C1orf146: variants seen among roughly 807,000 people sequenced by gnomAD.
The protein encoded by C1orf146 is protein SPO16 homolog.
C1orf146 carries 22 observed loss-of-function variants against 23.0 expected under a neutral mutation model. The observed-to-expected ratio is 0.96, with a 90% confidence interval of 0.68 to 1.36. C1orf146 has a LOEUF of 1.36. C1orf146 is among the 40% of genes most tolerant of loss of function. The probability of loss-of-function intolerance (pLI) is 0.00; values close to 1 mark genes in which losing one functional copy is unlikely to be tolerated. For missense variants in C1orf146, 199 were observed against 206.8 expected, an observed-to-expected ratio of 0.96 and a Z score of 0.23; for synonymous variants, 59 against 65.3, an observed-to-expected ratio of 0.90 and a Z score of 0.47.
At chr1:92,238,529 T>C (rs1652351419) in intron 2 of C1orf146, among the ~76,000 whole-genome samples, 1 of 152,258 alleles carries the variant, frequency 6.6e-6, no homozygotes, top group Admixed American at 6.5e-5. Context: ...AAATCTATAC[T>C]TAGCTTCCTG....
intron 2 of C1orf146, among the ~76,000 whole-genome samples, chr1:92,238,849 T>A (rs1652359762): frequency 6.6e-6 from 1 of 152,200 alleles, no homozygotes; most frequent in South Asian, 2.1e-4. Context: ...ACTCTTCTCA[T>A]ATTTGTCTTC....
At chr1:92,225,413 A>G (rs754873412) in intron 1 of C1orf146, among the ~76,000 whole-genome samples, 4 of 152,112 alleles carry the variant, frequency 2.6e-5, no homozygotes, top group Non-Finnish European at 5.9e-5. Context: ...AGCCTAATTT[A>G]GTCTTTTAAA....
intron 5 of C1orf146, 78 bp downstream of exon 5, chr1:92,244,935 G>A (rs72958744): frequency 0.014 from 11,174 of 819,170 alleles, 469 homozygotes; most frequent in East Asian, 0.11. Context: ...CCTTTTGAGC[G>A]AGACTGGCAA....
Position 92,244,336 on chromosome 1 carries a change from G to C in C1orf146, c.280G>C (p.Ala94Pro), listed in dbSNP as rs1395883219. The C allele has an allele frequency of 1.2e-5, 20 of 1,613,074 alleles. No individual in the cohort carries two copies. The highest frequency in any genetic ancestry group is 1.7e-5 in the Non-Finnish European group (20 of 1,179,582). ...AAATAGTTTTTTGGTTTTGTCTGCT[G>C]CCCTCCATGGGCCTGAAGAATGGAA... ...HQNSFLVLSA[A>P]LHGPEEWKLM... The change falls in exon 4 of 6, where the codon GCC becomes CCC. Residue 94 changes from alanine to proline, a missense_variant. Transcript: ENST00000370375.
At chr1:92,222,340 GTGTATATATAATGTAACATGCA>G (rs1651840554) in intron 1 of C1orf146, among the ~76,000 whole-genome samples, 1 of 151,960 alleles carries the variant, frequency 6.6e-6, no homozygotes, top group Non-Finnish European at 1.5e-5. Context: ...CAACATGCAT[GTGTATATATAATGTAACATGCA>G]TGTATATATA....
chr1:92,233,704 A>G (rs910263353), intron 2 of C1orf146, among the ~76,000 whole-genome samples: 7 of 152,250 alleles, frequency 4.6e-5, no homozygotes, highest in African/African-American at 9.6e-5. Flanking sequence ...CTTGGGCAGT[A>G]TGGCCATTTT....
chr1:92,244,543 G>T (rs568323805), intron 4 of C1orf146, among the ~76,000 whole-genome samples, 158 bp downstream of exon 4: 4 of 152,028 alleles, frequency 2.6e-5, no homozygotes, highest in African/African-American at 9.7e-5. Flanking sequence ...TCTATGAATC[G>T]AGGTGACAGG....
At chr1:92,226,414 CAT>C (rs138642893) in intron 1 of C1orf146, among the ~76,000 whole-genome samples, 19,454 of 148,814 alleles carry the variant, frequency 0.13, 1,608 homozygotes, top group Non-Finnish European at 0.19. Context: ...CACACACACA[CAT>C]ACACACACAC....
chr1:92,238,390 A>G (rs1251680453), intron 2 of C1orf146, among the ~76,000 whole-genome samples: 1 of 152,198 alleles, frequency 6.6e-6, no homozygotes, highest in Non-Finnish European at 1.5e-5. Flanking sequence ...CAGAGACTTT[A>G]ATATGCTCAA....
chr1:92,231,319 C>T, intron 1 of C1orf146, 63 bp from the exon 2 acceptor site: 1 of 749,482 alleles, frequency 1.3e-6, no homozygotes, highest in Non-Finnish European at 2.2e-6. Flanking sequence ...GTTTTATTTC[C>T]ATCTTTAATT....
intron 1 of C1orf146, 48 bp downstream of exon 1, chr1:92,218,096 G>C (rs1046231265): frequency 2.0e-5 from 3 of 152,270 alleles, no homozygotes; most frequent in Non-Finnish European, 2.9e-5. Context: ...CTGTCTCTTC[G>C]CGTTTTTCTT....
At chr1:92,242,173 C>A in intron 2 of C1orf146, 39 bp from the exon 3 acceptor site, 1 of 1,145,380 alleles carries the variant, frequency 8.7e-7, no homozygotes, top group Non-Finnish European at 1.3e-6. Flanking sequence ...CAATTGTAAG[C>A]ATGCCTTAAA....
At chr1:92,243,528 G>A (rs1652482106) in intron 3 of C1orf146, among the ~76,000 whole-genome samples, 1 of 152,022 alleles carries the variant, frequency 6.6e-6, no homozygotes, top group Non-Finnish European at 1.5e-5. Flanking sequence ...TGTATTTTTA[G>A]TAGAGACAGG....
At chr1:92,236,065 T>A (rs1179195717) in intron 2 of C1orf146, among the ~76,000 whole-genome samples, 1 of 152,222 alleles carries the variant, frequency 6.6e-6, no homozygotes, top group African/African-American at 2.4e-5. Context: ...TCTATCCAAT[T>A]TGCCATTCTG....
chr1:92,241,605 C>T (rs1354984824), intron 2 of C1orf146, among the ~76,000 whole-genome samples: 1 of 152,078 alleles, frequency 6.6e-6, no homozygotes, highest in Non-Finnish European at 1.5e-5. Context: ...TTTCCTGCCT[C>T]AGCCTCCCAA....
chr1:92,222,535 GTTTTTTTTTT>G, intron 1 of C1orf146, among the ~76,000 whole-genome samples: 1 of 60,582 alleles, frequency 1.7e-5, no homozygotes, highest in Admixed American at 1.8e-4. Context: ...CCCTTCTTCG[GTTTTTTTTTT>G]TTTTTTTTTT....
rs544133623 is a variant in C1orf146 at position 92,245,477 on chromosome 1, A to C, written c.409-63A>C. 2.1e-5 allele frequency: 28 copies of C among 1,307,006 alleles called. No individual in the cohort carries two copies. The South Asian group carries it at 3.8e-4, about 18-fold the overall frequency. 81.0% of individuals were successfully genotyped at this position (1,307,006 alleles called of 1,614,324 possible). A position where few individuals can be genotyped will look rare whatever the true frequency, so the allele number is the denominator to read the frequency against. On this transcript the variant is annotated intron_variant, in intron 5 of 5. Transcript: ENST00000370375. The stretch of plus-strand genomic sequence containing the variant: ...AAGAATGAAAGTCAGGTATTTTTAA[A>C]TGTGACCTTGTGAAAATACCTTATT...
At chr1:92,233,614 A>T (rs1652190267) in intron 2 of C1orf146, among the ~76,000 whole-genome samples, 1 of 152,156 alleles carries the variant, frequency 6.6e-6, no homozygotes, top group Admixed American at 6.5e-5. Context: ...GTTCCATGTG[A>T]ACTTTAAAGT....
At chr1:92,221,727 T>G (rs1301717986) in intron 1 of C1orf146, among the ~76,000 whole-genome samples, 1 of 152,216 alleles carries the variant, frequency 6.6e-6, no homozygotes, top group African/African-American at 2.4e-5. Flanking sequence ...TTTCTTTGCT[T>G]GATTTCAACT....
Sources: allele counts gnomAD v4.1 joint callset (sites outside exome capture counted in the v4.1 genomes callset), GRCh38; gene constraint gnomAD v4.1.1; transcripts MANE v1.5; gene names NCBI Gene and HGNC (gene_info 2026-07-23, HGNC 2026-07-21).